APLF: variants seen among roughly 807,000 people sequenced by gnomAD.
APLF encodes aprataxin and PNK-like factor.
APLF carries 61 observed loss-of-function variants against 55.6 expected under a neutral mutation model. The ratio of observed to expected loss-of-function variants is 1.10; its 90% CI spans 0.89 to 1.36. APLF has a LOEUF of 1.36. Ranked by LOEUF, APLF falls within the 40% of genes most tolerant of loss-of-function variation. APLF has a pLI of 0.00. For synonymous variants in APLF, 207 were observed against 214.8 expected, an observed-to-expected ratio of 0.96 and a Z score of 0.32; for missense variants, 611 against 602.5, an observed-to-expected ratio of 1.01 and a Z score of -0.15.
rs755346676 is a variant in APLF at position 68,538,148 on chromosome 2, G to A, written c.1081G>A (p.Ala361Thr). The change falls in exon 7 of 10, where the codon GCA (alanine) becomes ACA (threonine). Residue 361 changes from alanine to threonine, a missense_variant. Ala to Thr is a moderately conservative substitution (Grantham distance 58, BLOSUM62 0). Coordinates refer to ENST00000303795, the MANE Select transcript of APLF (RefSeq NM_173545.3). ...PSNPETLHAK[A>T]TDSVLQGSEG... ...CAATCCTGAAACTTTGCATGCAAAG[G>A]CAACTGATTCAGTTCTACAAGGTTC... The A allele has an allele frequency of 1.1e-5, 17 of 1,613,940 alleles. No individual in the cohort carries two copies. In the Admixed American group the frequency reaches 2.7e-4, roughly 25 times the overall value.
In APLF at chr2:68,538,010, C is replaced by T; in HGVS notation, c.943C>T (p.Pro315Ser). The change falls in exon 7 of 10, where the codon CCA (proline) becomes TCA (serine). Residue 315 changes from proline to serine, a missense_variant. By Grantham distance (74) the Pro-to-Ser change is moderately conservative. Transcript: ENST00000303795. ...ACATAAAATTGCCACTAAAAGAACA[C>T]CACATAAAGAAGATGAGGCAATGAG... ...SKHKIATKRT[P>S]HKEDEAMSCS... The T allele has an allele frequency of 6.2e-7, 1 of 1,614,000 alleles. No individual in the cohort carries two copies. Among genetic ancestry groups the T allele is most frequent in the Non-Finnish European group, 8.5e-7 (1 of 1,179,992 alleles).
intron 5 of APLF, among the ~76,000 whole-genome samples, chr2:68,518,414 T>A (rs1240633094): frequency 2.7e-5 from 3 of 111,068 alleles, no homozygotes; most frequent in Non-Finnish European, 4.9e-5. Context: ...ATATTATATA[T>A]TATATAATAA....
chr2:68,473,462 A>G lies in APLF; in HGVS notation c.96+5635A>G, dbSNP rs116501889. ...GATCATGGATAATACAACTACAAAC[A>G]TTTGGGTGCAGATTTTTGTGTGAAC... On this transcript the variant is annotated intron_variant, in intron 1 of 9. Coordinates refer to ENST00000303795, the MANE Select transcript of APLF (RefSeq NM_173545.3). Among the ~76,000 whole-genome samples the G allele has an allele frequency of 3.2e-3, 483 of 152,294 alleles. 2 individuals are homozygous for G. The highest frequency in any genetic ancestry group is 0.011 in the African/African-American group (457 of 41,564).
At chr2:68,571,619 A>G (rs1052955419) in intron 9 of APLF, among the ~76,000 whole-genome samples, 10 of 152,010 alleles carry the variant, frequency 6.6e-5, no homozygotes, top group African/African-American at 2.4e-4. Context: ...GTGTGGTGTT[A>G]TTTCTGAGGG....
chr2:68,481,621 G>T (rs777392404), intron 1 of APLF, among the ~76,000 whole-genome samples: 2 of 152,056 alleles, frequency 1.3e-5, no homozygotes, highest in Admixed American at 1.3e-4. Flanking sequence ...GAACTTTTGC[G>T]CTTCCTGCAT....
intron 9 of APLF, among the ~76,000 whole-genome samples, chr2:68,576,508 T>A (rs1671628434): frequency 6.6e-6 from 1 of 152,186 alleles, no homozygotes. Context: ...TGGGGATAAA[T>A]TTGATGCTCT....
chr2:68,509,087 C>T (rs1336845790), intron 3 of APLF, among the ~76,000 whole-genome samples: 25 of 152,102 alleles, frequency 1.6e-4, no homozygotes, highest in Admixed American at 1.6e-3. Context: ...GGATTAAAGA[C>T]TTAAATGTTA....
chr2:68,539,783 G>A (rs1670496045), intron 7 of APLF, among the ~76,000 whole-genome samples: 1 of 152,058 alleles, frequency 6.6e-6, no homozygotes, highest in Non-Finnish European at 1.5e-5. Context: ...GAAACCAACA[G>A]CTAACTTCAT....
chr2:68,528,415 G>A (rs1670145308), intron 6 of APLF: 20 of 1,534,314 alleles, frequency 1.3e-5, no homozygotes, highest in Non-Finnish European at 1.7e-5. Flanking sequence ...TAGCCGGTGG[G>A]GGCCTCTCAT....
Position 68,513,587 on chromosome 2 carries a change from C to T in APLF, c.529C>T (p.Pro177Ser). ...GENRDCNKQQ[P>S]ILAERKRILP... ...AAATAGAGACTGCAATAAGCAGCAG[C>T]CAATCCTTGCCGAGAGGAAAAGAAT... Residue 177 changes from proline (P) to serine (S), a missense_variant, in exon 5 of 10, where the codon CCA becomes TCA. Coordinates refer to ENST00000303795, the MANE Select transcript of APLF (RefSeq NM_173545.3). 6.2e-7 allele frequency: 1 copy of T among 1,611,434 alleles called. No homozygotes were observed. Among genetic ancestry groups the T allele is most frequent in the Non-Finnish European group, 8.5e-7 (1 of 1,178,254 alleles).
intron 1 of APLF, among the ~76,000 whole-genome samples, chr2:68,468,989 GGTGTGTGTGTGTGTGTGTGT>G: frequency 6.8e-6 from 1 of 146,762 alleles, no homozygotes; most frequent in East Asian, 2.0e-4. Context: ...GTCCTAAAGG[GGTGTGTGTGTGTGTGTGTGT>G]GTGTGTGTGT....
At chr2:68,537,195 C>G (rs901884225) in intron 6 of APLF, among the ~76,000 whole-genome samples, 1 of 151,598 alleles carries the variant, frequency 6.6e-6, no homozygotes, top group Non-Finnish European at 1.5e-5. Context: ...TTATAAGGAC[C>G]GTGCATGTTA....
At chr2:68,556,824 G>A (rs1471035083) in intron 8 of APLF, among the ~76,000 whole-genome samples, 1 of 152,098 alleles carries the variant, frequency 6.6e-6, no homozygotes, top group African/African-American at 2.4e-5. Context: ...GCCTTAGGAG[G>A]TGTGTCAGTT....
In APLF at chr2:68,483,056, T is replaced by C. The variant is rs546877611; in HGVS notation, c.97-7134T>C. 6.2e-4 allele frequency among the ~76,000 whole-genome samples: 94 copies of C among 152,132 alleles called. 1 individual carries two copies. The highest frequency in any genetic ancestry group is 2.2e-3 in the African/African-American group (93 of 41,462). ...GCATTACAGTCCTTCATGTGGTCTT[T>C]ATGGAATGATGGTAGAGCCTCAAAG... On this transcript the variant is annotated intron_variant, in intron 1 of 9. Transcript: ENST00000303795.
rs115860168 is a variant in APLF at position 68,515,742 on chromosome 2, C to G, written c.622+2062C>G. The G allele has an allele frequency of 4.7e-4, 457 of 982,584 alleles. 3 individuals are homozygous for G. The African/African-American group carries it at 7.8e-3, about 17-fold the overall frequency. 60.9% of individuals were successfully genotyped at this position (982,584 alleles called of 1,614,324 possible). On this transcript the variant is annotated intron_variant, in intron 5 of 9. Transcript: ENST00000303795. ...AGAAGAGTCTTTGGATTCAGGTAAT[C>G]TTTTTATAAACTAAGACCGTGGGAG...
At chr2:68,572,831 T>A (rs2104080863) in intron 9 of APLF, among the ~76,000 whole-genome samples, 1 of 151,268 alleles carries the variant, frequency 6.6e-6, no homozygotes, top group South Asian at 2.1e-4. Flanking sequence ...AGAGCAACAC[T>A]CTGTCTCAAC....
chr2:68,538,010 C>G lies in APLF; in HGVS notation c.943C>G (p.Pro315Ala). 6.2e-7 allele frequency: 1 copy of G among 1,614,000 alleles called. No homozygotes were observed. Among genetic ancestry groups the G allele is most frequent in the Non-Finnish European group, 8.5e-7 (1 of 1,179,992 alleles). The change falls in exon 7 of 10, where the codon CCA becomes GCA. Residue 315 changes from proline (P) to alanine (A), a missense_variant. Coordinates refer to ENST00000303795, the MANE Select transcript of APLF (RefSeq NM_173545.3). ...ACATAAAATTGCCACTAAAAGAACA[C>G]CACATAAAGAAGATGAGGCAATGAG... ...SKHKIATKRTPHKEDEAMSCS... is the reference protein window; with the variant it reads ...SKHKIATKRTAHKEDEAMSCS...
At chr2:68,575,409 A>G (rs1281587144) in intron 9 of APLF, among the ~76,000 whole-genome samples, 1 of 152,192 alleles carries the variant, frequency 6.6e-6, no homozygotes, top group East Asian at 1.9e-4. Context: ...GAGTCTTCAA[A>G]GCTGAGACCT....
In APLF at chr2:68,567,369, A is replaced by G; in HGVS notation, c.1315A>G (p.Arg439Gly). 2.5e-6 allele frequency: 4 copies of G among 1,605,312 alleles called. No individual in the cohort carries two copies. In the South Asian group the frequency reaches 3.3e-5, roughly 13 times the overall value. Residue 439 changes from arginine (R) to glycine (G), a missense_variant, in exon 9 of 10, where the codon AGA (arginine) becomes GGA (glycine). Physicochemically the swap from Arg to Gly is moderately radical, Grantham distance 125 (BLOSUM62 -2). Coordinates refer to ENST00000303795, the MANE Select transcript of APLF (RefSeq NM_173545.3). Reference sequence around the variant, plus strand: ...GAATCCCCAGCACAAGATAGAATATAGACATAATACGCTTCCAGGTAAGTA... The same window carrying G: ...GAATCCCCAGCACAAGATAGAATATGGACATAATACGCTTCCAGGTAAGTA... The part of the protein sequence containing the change: ...RKNPQHKIEY[R>G]HNTLPVRNVL...
Sources: allele counts gnomAD v4.1 joint callset (sites outside exome capture counted in the v4.1 genomes callset), GRCh38; gene constraint gnomAD v4.1.1; transcripts MANE v1.5; gene names NCBI Gene and HGNC (gene_info 2026-07-23, HGNC 2026-07-21).